ATP2B1: variants seen among roughly 807,000 people sequenced by gnomAD.
ATP2B1 encodes the protein plasma membrane calcium-transporting ATPase 1.
A neutral mutation model predicts 124.2 loss-of-function variants in ATP2B1; 14 were observed. The observed-to-expected ratio is 0.11, with a 90% confidence interval of 0.07 to 0.18. The LOEUF (loss-of-function observed/expected upper bound fraction) is 0.18. ATP2B1 is among the 10% of genes least tolerant of loss of function. ATP2B1 has a pLI of 1.00. For missense variants in ATP2B1, 763 were observed against 1,466.1 expected (o/e 0.52, Z 7.83); for synonymous variants, 449 against 492.4 (o/e 0.91, Z 1.17).
At chr12:89,679,104 A>C (rs1181409967) in intron 1 of ATP2B1, among the ~76,000 whole-genome samples, 1 of 152,174 alleles carries the variant, frequency 6.6e-6, no homozygotes, top group Non-Finnish European at 1.5e-5. Flanking sequence ...TAAACATTAC[A>C]ATAACTTTTA....
chr12:89,707,838 G>A (rs1324271802), intron 1 of ATP2B1, among the ~76,000 whole-genome samples: 2 of 152,144 alleles, frequency 1.3e-5, no homozygotes, highest in African/African-American at 2.4e-5. Flanking sequence ...CCGCAGGATG[G>A]GATAAAGAGA....
At chr12:89,611,041 A>G (rs970678037) in intron 13 of ATP2B1, 152 bp downstream of exon 13, 2 of 625,288 alleles carry the variant, frequency 3.2e-6, no homozygotes, top group Non-Finnish European at 5.1e-6. Context: ...TTTATCCCTT[A>G]GAACACTAGT....
At position 89,634,807 on chromosome 12, in the gene ATP2B1, G is replaced by C. The variant is rs765489529; in HGVS notation, c.758C>G (p.Ser253Cys). The C allele has an allele frequency of 2.1e-5, 34 of 1,602,804 alleles. 1 individual carries two copies. The South Asian group carries it at 3.3e-4, about 15-fold the overall frequency. The stretch of plus-strand genomic sequence containing the variant: ...TAGAAGTAAGGGATCCTTATCTAAA[G>C]ACTTTTTAACATGATCTGATTCACC... Reference protein sequence around the residue: ...LTGESDHVKKSLDKDPLLLSG... With the variant: ...LTGESDHVKKCLDKDPLLLSG... Residue 253 changes from serine to cysteine, a missense_variant, in exon 5 of 21, where the codon TCT (serine) becomes TGT (cysteine). Ser to Cys is a moderately radical substitution (Grantham distance 112). This residue lies in a region of ATP2B1 where 392 missense variants were observed against 776.6 expected (regional missense o/e 0.50). Coordinates refer to ENST00000428670, the MANE Select transcript of ATP2B1 (RefSeq NM_001366521.1).
intron 12 of ATP2B1, among the ~76,000 whole-genome samples, chr12:89,612,555 G>C (rs1334884936): frequency 6.6e-6 from 1 of 152,034 alleles, no homozygotes; most frequent in Admixed American, 6.6e-5. Flanking sequence ...AAGAAACAGA[G>C]ATTTGTGCGT....
chr12:89,665,072 G>A (rs1266853910), intron 1 of ATP2B1, among the ~76,000 whole-genome samples: 5 of 151,988 alleles, frequency 3.3e-5, no homozygotes, highest in East Asian at 1.9e-4. Context: ...TCCGTGATCT[G>A]CCCGCCTCGG....
intron 5 of ATP2B1, among the ~76,000 whole-genome samples, chr12:89,631,370 A>G (rs563078643): frequency 1.1e-4 from 17 of 152,294 alleles, no homozygotes; most frequent in Non-Finnish European, 1.9e-4. Flanking sequence ...TGAGAAAAAC[A>G]CTGCTTATAA....
At chr12:89,697,785 G>A (rs1891333577) in intron 1 of ATP2B1, among the ~76,000 whole-genome samples, 1 of 138,626 alleles carries the variant, frequency 7.2e-6, no homozygotes, top group South Asian at 2.3e-4. Context: ...CTACTCTGAA[G>A]CAACTAGGAA....
At chr12:89,634,746 A>G (rs749126081) in intron 5 of ATP2B1, 32 bp downstream of exon 5, 34 of 1,541,576 alleles carry the variant, frequency 2.2e-5, no homozygotes, top group Non-Finnish European at 3.0e-5. Flanking sequence ...GCGAAAGAGG[A>G]AAGTGTTCAA....
rs1477472447 is a variant in ATP2B1 at position 89,591,358 on chromosome 12, T to C, written c.3352-63A>G. ...CTATTAACAACTTAAAAATGGTTCA[T>C]TTATGAGTTTGAATCCACAAACAGC... On this transcript the variant is annotated intron_variant, in intron 20 of 20. Transcript: ENST00000428670. 5 of 1,433,678 alleles carry C rather than the reference T, an allele frequency of 3.5e-6. No homozygotes were observed. The East Asian group carries it at 9.3e-5, about 27-fold the overall frequency. The allele number at this position is 1,433,678 out of a possible 1,614,324, so 88.8% of individuals were successfully genotyped here. A position where few individuals can be genotyped will look rare whatever the true frequency, so the allele number is the denominator to read the frequency against.
intron 3 of ATP2B1, 77 bp from the exon 4 acceptor site, chr12:89,635,328 T>C: frequency 6.9e-7 from 1 of 1,455,814 alleles, no homozygotes; most frequent in South Asian, 1.3e-5. Flanking sequence ...GTCTAAATCA[T>C]ATTTTTGTGT....
chr12:89,615,750 C>A (rs1482861843), intron 12 of ATP2B1, among the ~76,000 whole-genome samples: 2 of 152,134 alleles, frequency 1.3e-5, no homozygotes, highest in Non-Finnish European at 2.9e-5. Flanking sequence ...CTCCAGTGGT[C>A]AATACAGTAC....
chr12:89,699,642 G>A (rs1424851792), intron 1 of ATP2B1, among the ~76,000 whole-genome samples: 1 of 152,160 alleles, frequency 6.6e-6, no homozygotes, highest in Non-Finnish European at 1.5e-5. Context: ...GGGCTTTTTA[G>A]TGGTGAAGAT....
chr12:89,649,792 G>A (rs914535121), intron 2 of ATP2B1, among the ~76,000 whole-genome samples: 2 of 152,136 alleles, frequency 1.3e-5, no homozygotes, highest in African/African-American at 4.8e-5. Flanking sequence ...GGGGTCTAGT[G>A]GGAGGTGATT....
intron 11 of ATP2B1, among the ~76,000 whole-genome samples, chr12:89,618,590 T>G (rs1321118162): frequency 6.6e-6 from 1 of 152,194 alleles, no homozygotes; most frequent in East Asian, 1.9e-4. Context: ...GAAAGCTGTA[T>G]ATGGCCTGTG....
chr12:89,609,785 T>C, intron 15 of ATP2B1, 152 bp downstream of exon 15: 1 of 634,890 alleles, frequency 1.6e-6, no homozygotes, highest in Non-Finnish European at 2.6e-6. Flanking sequence ...CTAATTAGAC[T>C]TATAAACCAA....
intron 1 of ATP2B1, among the ~76,000 whole-genome samples, chr12:89,698,909 A>G (rs1465891438): frequency 6.6e-6 from 1 of 152,154 alleles, no homozygotes; most frequent in African/African-American, 2.4e-5. Flanking sequence ...TGAGTGTGGT[A>G]CCCTGGTTTT....
At chr12:89,678,127 C>A (rs937106987) in intron 1 of ATP2B1, among the ~76,000 whole-genome samples, 1 of 151,604 alleles carries the variant, frequency 6.6e-6, no homozygotes, top group Non-Finnish European at 1.5e-5. Flanking sequence ...ACTGACTACA[C>A]ATCCATGAAT....
At chr12:89,593,813 T>C (rs1874053561) in intron 20 of ATP2B1, 1 of 151,998 alleles carries the variant, frequency 6.6e-6, no homozygotes, top group Admixed American at 6.6e-5. Flanking sequence ...ATTTTTTTTT[T>C]CTAACCACTT....
intron 1 of ATP2B1, among the ~76,000 whole-genome samples, chr12:89,658,618 A>ATCT: frequency 6.7e-6 from 1 of 149,304 alleles, no homozygotes; most frequent in African/African-American, 2.5e-5. Flanking sequence ...AGAGAGAGAG[A>ATCT]GAGAGAGAGA....
Sources: allele counts gnomAD v4.1 joint callset (sites outside exome capture counted in the v4.1 genomes callset), GRCh38; gene constraint gnomAD v4.1.1; regional missense constraint gnomAD v4.1.1; transcripts MANE v1.5; gene names NCBI Gene and HGNC (gene_info 2026-07-23, HGNC 2026-07-21).